The following NRG3 variants were observed in gnomAD, a reference collection of about 807,000 sequenced individuals.
NRG3 encodes neuregulin 3, also known as pro-neuregulin-3, membrane-bound isoform.
In NRG3, 31 loss-of-function variants were observed where a neutral mutation model predicts 66.9. The observed-to-expected ratio is 0.46, with a 90% CI of 0.35 to 0.63. NRG3 has a LOEUF of 0.63. Ranked by LOEUF, NRG3 falls within the 20% of genes least tolerant of loss-of-function variation. NRG3 has a pLI of 0.00. For synonymous variants in NRG3, 393 were observed against 359.4 expected, an observed-to-expected ratio of 1.09 and a Z score of -1.06; for missense variants, 910 against 878.9, an observed-to-expected ratio of 1.04 and a Z score of -0.45.
At chr10:82,445,928 C>T (rs1420525187) in intron 2 of NRG3, among the ~76,000 whole-genome samples, 1 of 152,182 alleles carries the variant, frequency 6.6e-6, no homozygotes, top group Non-Finnish European at 1.5e-5. Context: ...CTCAACATAC[C>T]TAACTCTAAT....
At chr10:81,878,730 A>G (rs1350603544) in intron 1 of NRG3, among the ~76,000 whole-genome samples, 2 of 152,106 alleles carry the variant, frequency 1.3e-5, no homozygotes, top group Admixed American at 1.3e-4. Flanking sequence ...ATTCTGTTGT[A>G]GTACTTGAAA....
At chr10:82,452,913 TCTGTGG>T in intron 2 of NRG3, among the ~76,000 whole-genome samples, 1 of 152,254 alleles carries the variant, frequency 6.6e-6, no homozygotes, top group South Asian at 2.1e-4. Context: ...TGTCCACGTT[TCTGTGG>T]CCAACAGTCA....
At chr10:82,686,879 T>TA (rs1050288253) in intron 2 of NRG3, among the ~76,000 whole-genome samples, 1 of 152,228 alleles carries the variant, frequency 6.6e-6, no homozygotes, top group African/African-American at 2.4e-5. Context: ...ATGCATATTT[T>TA]AGCTCTGAAG....
In NRG3 at chr10:82,074,076, GA is replaced by G. The variant is rs1333351863; in HGVS notation, c.823+197924del. ...AGCATCAAATAGTGATGAGTTCTCTGAAAAAAAAAAACAGCAGGGTTTGGGA... is the reference window on the plus strand; with the variant it reads ...AGCATCAAATAGTGATGAGTTCTCTGAAAAAAAAAACAGCAGGGTTTGGGA... On this transcript the variant is annotated intron_variant, in intron 1 of 8. Coordinates refer to ENST00000372141, the MANE Select transcript of NRG3 (RefSeq NM_001010848.4). Among the ~76,000 whole-genome samples the G allele has an allele frequency of 5.1e-3, 741 of 145,628 alleles. 10 individuals carry two copies. Among genetic ancestry groups the G allele is most frequent in the East Asian group, 0.018 (90 of 4,966 alleles).
At chr10:82,867,407 CT>C in intron 4 of NRG3, among the ~76,000 whole-genome samples, 1 of 152,314 alleles carries the variant, frequency 6.6e-6, no homozygotes, top group Non-Finnish European at 1.5e-5. Flanking sequence ...AATTACATGA[CT>C]TCATTTTGCT....
At chr10:82,517,784 T>A (rs947777986) in intron 2 of NRG3, among the ~76,000 whole-genome samples, 2 of 151,942 alleles carry the variant, frequency 1.3e-5, no homozygotes, top group East Asian at 3.9e-4. Flanking sequence ...CAAGCCAAAT[T>A]TGAGGTAATT....
At chr10:81,976,454 C>A (rs1007554306) in intron 1 of NRG3, among the ~76,000 whole-genome samples, 1 of 152,146 alleles carries the variant, frequency 6.6e-6, no homozygotes, top group African/African-American at 2.4e-5. Flanking sequence ...TAGAAAGACA[C>A]TGTATACATT....
At chr10:82,692,254 A>G (rs2134210319) in intron 2 of NRG3, among the ~76,000 whole-genome samples, 1 of 148,720 alleles carries the variant, frequency 6.7e-6, no homozygotes, top group African/African-American at 2.4e-5. Context: ...TCCATCTCAA[A>G]AAAAAAAAAA....
chr10:82,430,365 C>T (rs1341693194), intron 2 of NRG3, among the ~76,000 whole-genome samples: 1 of 152,064 alleles, frequency 6.6e-6, no homozygotes. Context: ...TCACGCCATT[C>T]TCCTGCCTCA....
chr10:82,041,983 A>G (rs536728862), intron 1 of NRG3, among the ~76,000 whole-genome samples: 223 of 152,172 alleles, frequency 1.5e-3, no homozygotes, highest in Middle Eastern at 0.014. Context: ...TGATCAAGTC[A>G]CATAGTATTG....
rs79234604 is a variant in NRG3 at position 81,925,303 on chromosome 10, T to A, written c.823+49140T>A. Reference sequence around the variant, plus strand: ...TTTGGTCTAGTCTGACTTTCATCACTTTGTGCAACAGAATATAGAATTGGG... The same window carrying A: ...TTTGGTCTAGTCTGACTTTCATCACATTGTGCAACAGAATATAGAATTGGG... On this transcript the variant is annotated intron_variant, in intron 1 of 8. Transcript: ENST00000372141. Among the ~76,000 whole-genome samples the A allele has an allele frequency of 3.8e-3, 576 of 152,308 alleles. 5 individuals carry two copies. The highest frequency in any genetic ancestry group is 0.013 in the African/African-American group (555 of 41,562).
intron 3 of NRG3, among the ~76,000 whole-genome samples, chr10:82,828,009 C>T (rs770925757): frequency 1.3e-5 from 2 of 151,996 alleles, no homozygotes; most frequent in Non-Finnish European, 2.9e-5. Context: ...GGAGAAACCT[C>T]TGCCCCTACT....
chr10:82,717,315 T>C (rs1358488698), intron 2 of NRG3, among the ~76,000 whole-genome samples: 3 of 151,938 alleles, frequency 2.0e-5, no homozygotes, highest in Non-Finnish European at 2.9e-5. Context: ...TTGGGCATTA[T>C]CTGTTTCTCT....
chr10:82,913,436 T>A (rs890957161), intron 4 of NRG3, among the ~76,000 whole-genome samples: 3 of 152,220 alleles, frequency 2.0e-5, no homozygotes, highest in African/African-American at 7.2e-5. Context: ...TGACATATAA[T>A]TTTCCTTCTT....
intron 1 of NRG3, among the ~76,000 whole-genome samples, chr10:81,876,394 A>G (rs1841653823): frequency 6.6e-6 from 1 of 152,056 alleles, no homozygotes; most frequent in Non-Finnish European, 1.5e-5. Flanking sequence ...GTCAGGCTCC[A>G]CTGGCCCCAC....
intron 3 of NRG3, among the ~76,000 whole-genome samples, chr10:82,846,436 T>TA (rs890045240): frequency 1.3e-5 from 2 of 152,130 alleles, no homozygotes; most frequent in African/African-American, 2.4e-5. Flanking sequence ...AAATACATTT[T>TA]AAAAAAATGC....
chr10:82,850,606 A>C (rs887082619), intron 3 of NRG3, among the ~76,000 whole-genome samples: 3 of 152,214 alleles, frequency 2.0e-5, no homozygotes, highest in African/African-American at 7.2e-5. Context: ...GCTTAACAGC[A>C]TGAAAGCTCA....
chr10:81,931,645 C>T (rs1468864434), intron 1 of NRG3, among the ~76,000 whole-genome samples: 2 of 152,112 alleles, frequency 1.3e-5, no homozygotes, highest in African/African-American at 4.8e-5. Flanking sequence ...CTTGGATTTC[C>T]ACACCCACAC....
At chr10:82,354,987 G>A (rs1298286926) in intron 1 of NRG3, among the ~76,000 whole-genome samples, 1 of 152,114 alleles carries the variant, frequency 6.6e-6, no homozygotes, top group Non-Finnish European at 1.5e-5. Context: ...TAATTGTTTT[G>A]AAGGCAATAG....
Sources: allele counts gnomAD v4.1 joint callset (sites outside exome capture counted in the v4.1 genomes callset), GRCh38; gene constraint gnomAD v4.1.1; transcripts MANE v1.5; gene names NCBI Gene and HGNC (gene_info 2026-07-23, HGNC 2026-07-21).